The following KDSR variants were observed in gnomAD, a reference collection of about 807,000 sequenced individuals.
KDSR encodes 3-dehydrosphinganine reductase.
A neutral mutation model predicts 41.3 loss-of-function variants in KDSR; 23 were observed. The observed-to-expected ratio is 0.56, with a 90% CI of 0.40 to 0.79. KDSR has a LOEUF of 0.79. Ranked by LOEUF, KDSR falls within the 30% of genes least tolerant of loss-of-function variation. The pLI, the probability that KDSR is intolerant of heterozygous loss-of-function variation, is 0.00. For missense variants in KDSR, 351 were observed against 416.8 expected (o/e 0.84, Z 1.37); for synonymous variants, 138 against 151.7 (o/e 0.91, Z 0.66).
At chr18:63,332,005 C>T in intron 9 of KDSR, 104 bp from the exon 10 acceptor site, 1 of 1,187,132 alleles carries the variant, frequency 8.4e-7, no homozygotes, top group Non-Finnish European at 1.2e-6. Context: ...TTCTAGTCTG[C>T]TCTAAGGATG....
Position 63,329,723 on chromosome 18 carries a change from A to G in KDSR, c.*2059T>C, listed in dbSNP as rs1307074965. 2 of 193,566 alleles carry G rather than the reference A, an allele frequency of 1.0e-5. No individual in the cohort carries two copies. The highest frequency in any genetic ancestry group is 1.8e-3 in the Middle Eastern group (1 of 562). The allele number at this position is 193,566 out of a possible 1,614,324, so 12.0% of individuals were successfully genotyped here. On this transcript the variant is annotated 3_prime_UTR_variant, in exon 10 of 10. Coordinates refer to ENST00000645214, the MANE Select transcript of KDSR (RefSeq NM_002035.4). ...GGATAATTTGAAAAAATATATTGAA[A>G]TAACTATTTAATGTTATTAAATCAG...
At chr18:63,331,925 T>C (rs776718509) in intron 9 of KDSR, 24 bp from the exon 10 acceptor site, 19 of 1,611,630 alleles carry the variant, frequency 1.2e-5, no homozygotes, top group Non-Finnish European at 1.4e-5. Flanking sequence ...AGAGAGCTTT[T>C]AGTGCATCCA....
intron 6 of KDSR, among the ~76,000 whole-genome samples, chr18:63,349,916 C>G (rs1185427824): frequency 1.3e-5 from 2 of 152,216 alleles, no homozygotes; most frequent in Non-Finnish European, 2.9e-5. Flanking sequence ...CCTTTAAAAC[C>G]TAACATATAT....
In KDSR at chr18:63,356,364, A is replaced by G. The variant is rs534619428; in HGVS notation, c.256-801T>C. On this transcript the variant is annotated intron_variant, in intron 3 of 9. Coordinates refer to ENST00000645214, the MANE Select transcript of KDSR (RefSeq NM_002035.4). ...CAGTCAGCTGAGATCATGCCATTGC[A>G]CACCAGCGTGGGCAACAGAGTGAGA... 6.6e-5 allele frequency among the ~76,000 whole-genome samples: 10 copies of G among 152,086 alleles called. No homozygotes were observed. The South Asian group carries it at 2.1e-3, about 32-fold the overall frequency.
intron 7 of KDSR, among the ~76,000 whole-genome samples, chr18:63,342,358 C>T (rs759233221): frequency 1.5e-4 from 23 of 151,944 alleles, no homozygotes; most frequent in African/African-American, 2.2e-4. Context: ...GAGAAGGGAA[C>T]GTGCAGTGTG....
At position 63,331,834 on chromosome 18, in the gene KDSR, C is replaced by T. The variant is rs775877631; in HGVS notation, c.947G>A (p.Arg316His). Residue 316 changes from arginine to histidine, a missense_variant, in exon 10 of 10, where the codon CGT (arginine) becomes CAT (histidine). By Grantham distance (29) the Arg-to-His change is conservative. Coordinates refer to ENST00000645214, the MANE Select transcript of KDSR (RefSeq NM_002035.4). Reference protein sequence around the residue: ...FYLGSFDSIVRRCMMQREKSE... With the variant: ...FYLGSFDSIVHRCMMQREKSE... Reference sequence around the variant, plus strand: ...TTTTTCTCTCTGCATCATGCAGCGACGAACTATGCTGTCAAAACTTCCAAG... The same window carrying T: ...TTTTTCTCTCTGCATCATGCAGCGATGAACTATGCTGTCAAAACTTCCAAG... 2.0e-5 allele frequency: 33 copies of T among 1,613,814 alleles called. No homozygotes were observed. In the Middle Eastern group the frequency reaches 1.6e-3, roughly 80 times the overall value.
intron 8 of KDSR, among the ~76,000 whole-genome samples, chr18:63,337,520 G>A (rs1281160649): frequency 6.6e-6 from 1 of 152,070 alleles, no homozygotes; most frequent in African/African-American, 2.4e-5. Flanking sequence ...AAGTTCTCTG[G>A]GGTTGTTGAC....
chr18:63,345,458 A>G (rs747758878), intron 6 of KDSR: 2 of 152,260 alleles, frequency 1.3e-5, no homozygotes, highest in Non-Finnish European at 2.9e-5. Context: ...CTCTAAGAGC[A>G]ATGGTTCCTA....
chr18:63,341,992 C>T (rs1275695115), intron 7 of KDSR, among the ~76,000 whole-genome samples: 3 of 151,488 alleles, frequency 2.0e-5, no homozygotes, highest in African/African-American at 7.3e-5. Context: ...GGTGAAACCC[C>T]GTCTCTACTA....
rs1016979900 is a variant in KDSR, at chr18:63,330,269, T to A, written c.*1513A>T. On this transcript the variant is annotated 3_prime_UTR_variant, in exon 10 of 10. Transcript: ENST00000645214. ...TTTACAATTTAAGAAAGTTTCCTCTTCAAAAACAGAGGTCTTTTCTCACCG... is the reference window on the plus strand; with the variant it reads ...TTTACAATTTAAGAAAGTTTCCTCTACAAAAACAGAGGTCTTTTCTCACCG... 2 of 212,022 alleles carry A rather than the reference T, an allele frequency of 9.4e-6. No homozygotes were observed. The highest frequency in any genetic ancestry group is 1.9e-5 in the Non-Finnish European group (2 of 104,744). The allele number at this position is 212,022 out of a possible 1,614,324, so 13.1% of individuals were successfully genotyped here.
At position 63,367,074 on chromosome 18, in the gene KDSR, C is replaced by T. The variant is rs376297092; in HGVS notation, c.45G>A (p.Leu15=). The T allele has an allele frequency of 3.7e-6, 5 of 1,336,670 alleles. No homozygotes were observed. The highest frequency in any genetic ancestry group is 4.8e-6 in the Non-Finnish European group (5 of 1,038,470). 82.8% of individuals were successfully genotyped at this position (1,336,670 alleles called of 1,614,324 possible). ...TGATGAGCGGAGACACCATGTACAGCAGCAGCACGAAGGCCACGAGGAAGG... is the reference window on the plus strand; with the variant it reads ...TGATGAGCGGAGACACCATGTACAGTAGCAGCACGAAGGCCACGAGGAAGG... ...AAAFLVAFVL[L]LYMVSPLISP... Residue 15 remains leucine (L), a synonymous_variant, in exon 1 of 10, where the codon CTG becomes CTA. Transcript: ENST00000645214.
chr18:63,361,016 A>ATTATAT (rs1555715420), intron 2 of KDSR, among the ~76,000 whole-genome samples: 1 of 110,798 alleles, frequency 9.0e-6, no homozygotes, highest in African/African-American at 3.9e-5. Context: ...ATATATATAT[A>ATTATAT]AAATATATAA....
Position 63,328,908 on chromosome 18 carries a change from A to G in KDSR, c.*2874T>C, listed in dbSNP as rs1408087216. ...CACAAAATGAGCTGTTCTTGGCTACATACAGAAGGCCAACATTTAAACTGA... is the reference window on the plus strand; with the variant it reads ...CACAAAATGAGCTGTTCTTGGCTACGTACAGAAGGCCAACATTTAAACTGA... On this transcript the variant is annotated 3_prime_UTR_variant, in exon 10 of 10. Coordinates refer to ENST00000645214, the MANE Select transcript of KDSR (RefSeq NM_002035.4). 5.2e-6 allele frequency: 1 copy of G among 190,778 alleles called. No individual in the cohort carries two copies. Among genetic ancestry groups the G allele is most frequent in the East Asian group, 8.3e-5 (1 of 12,014 alleles). 11.8% of individuals were successfully genotyped at this position (190,778 alleles called of 1,614,324 possible).
chr18:63,341,159 C>T (rs556052836), intron 7 of KDSR, among the ~76,000 whole-genome samples: 14 of 151,264 alleles, frequency 9.3e-5, no homozygotes, highest in South Asian at 2.1e-4. Context: ...TTCAGGAAGC[C>T]GGAAAAAACA....
chr18:63,336,924 T>C lies in KDSR; in HGVS notation c.778-1566A>G, dbSNP rs558855384. 1.3e-3 allele frequency among the ~76,000 whole-genome samples: 200 copies of C among 152,216 alleles called. 5 individuals are homozygous for C. The South Asian group carries it at 0.035, about 26-fold the overall frequency. ...AACAACATTATTACAACAGATGGAA[T>C]GCAGAAGCAGCTATTTGAATCCAGC... On this transcript the variant is annotated intron_variant, in intron 8 of 9. Coordinates refer to ENST00000645214, the MANE Select transcript of KDSR (RefSeq NM_002035.4).
intron 3 of KDSR, among the ~76,000 whole-genome samples, chr18:63,358,971 G>A (rs1914882999): frequency 6.6e-6 from 1 of 151,344 alleles, no homozygotes; most frequent in Admixed American, 6.6e-5. Flanking sequence ...TTGAGCCCAG[G>A]AGTTGAAGAC....
At chr18:63,336,533 G>A (rs1914163585) in intron 8 of KDSR, among the ~76,000 whole-genome samples, 1 of 152,202 alleles carries the variant, frequency 6.6e-6, no homozygotes, top group African/African-American at 2.4e-5. Context: ...TCACGAGACT[G>A]TCAGCTGCAT....
intron 7 of KDSR, among the ~76,000 whole-genome samples, chr18:63,343,979 C>T (rs897442120): frequency 4.6e-5 from 7 of 152,084 alleles, no homozygotes; most frequent in African/African-American, 7.2e-5. Context: ...GAGTTTGACA[C>T]CAGCCTGGGC....
At position 63,331,326 on chromosome 18, in the gene KDSR, CAG is replaced by C. The variant is rs138869280; in HGVS notation, c.*454_*455del. On this transcript the variant is annotated 3_prime_UTR_variant, in exon 10 of 10. Transcript: ENST00000645214. Reference sequence around the variant, plus strand: ...ACAGAGAGACAGAGAGACAGAGAGACAGAGAGAGAGAGAGAGAGAACCCGAGA... The same window carrying C: ...ACAGAGAGACAGAGAGACAGAGAGACAGAGAGAGAGAGAGAGAACCCGAGA... 9.1e-3 allele frequency: 756 copies of C among 83,034 alleles called. No homozygotes were observed. The highest frequency in any genetic ancestry group is 0.023 in the Middle Eastern group (5 of 222). The allele number at this position is 83,034 out of a possible 1,614,324, so 5.1% of individuals were successfully genotyped here.
Sources: gnomAD v4.1 joint callset for allele counts (sites outside exome capture counted in the v4.1 genomes callset) on GRCh38, gnomAD v4.1.1 for gene constraint, MANE v1.5 for transcripts, NCBI Gene and HGNC (gene_info 2026-07-23, HGNC 2026-07-21) for gene names.